The following GTF2I variants were observed in gnomAD, a reference collection of about 807,000 sequenced individuals.
GTF2I encodes general transcription factor II-I.
Under a neutral mutation model 67.6 loss-of-function variants are expected in GTF2I, and 12 were observed. That is an observed-to-expected ratio of 0.18 (90% confidence interval 0.11 to 0.29). The LOEUF is 0.29. GTF2I is among the 10% of genes least tolerant of loss of function. The pLI is 1.00. For synonymous variants in GTF2I, 149 were observed against 197.0 expected (o/e 0.76, Z 2.04); for missense variants, 271 against 580.1 (o/e 0.47, Z 5.47).
chr7:74,703,239 C>T lies in GTF2I; in HGVS notation c.587-1925C>T, dbSNP rs782625884. Among the ~76,000 whole-genome samples the T allele has an allele frequency of 2.0e-4, 30 of 151,890 alleles. 1 individual carries two copies. Among genetic ancestry groups the T allele is most frequent in the Non-Finnish European group, 3.1e-4 (21 of 68,016 alleles). Reference sequence around the variant, plus strand: ...TCACTCTGTTATCCAGGCTGGAGTACAGGATTTGGGAATATTTTCTCCAAT... The same window carrying T: ...TCACTCTGTTATCCAGGCTGGAGTATAGGATTTGGGAATATTTTCTCCAAT... On this transcript the variant is annotated intron_variant, in intron 6 of 34. Coordinates refer to ENST00000573035, the MANE Select transcript of GTF2I (RefSeq NM_032999.4).
In GTF2I at chr7:74,711,034, AT is replaced by A; in HGVS notation, c.691del (p.Ser231ProfsTer7). 6.6e-7 allele frequency: 1 copy of A among 1,516,614 alleles called. No individual in the cohort carries two copies. The highest frequency in any genetic ancestry group is 9.0e-7 in the Non-Finnish European group (1 of 1,109,380). 93.9% of individuals were successfully genotyped at this position (1,516,614 alleles called of 1,614,324 possible). On this transcript the variant is annotated frameshift_variant, in exon 9 of 35. Coordinates refer to ENST00000573035, the MANE Select transcript of GTF2I (RefSeq NM_032999.4). LOFTEE classifies it high-confidence loss of function. ...VKTEPTEDSGISLEMAAVTVK... is the reference protein window; with the variant it reads ...VKTEPTEDSGXSLEMAAVTVK... ...TATCATTGCATTTGCTTTTCTAGGC[AT>A]TTCCCTGGAAATGGCAGCTGTGACA...
At chr7:74,674,996 G>A (rs1333635899) in intron 1 of GTF2I, among the ~76,000 whole-genome samples, 5 of 151,940 alleles carry the variant, frequency 3.3e-5, no homozygotes, top group Admixed American at 6.6e-5. Flanking sequence ...GGGATTACAG[G>A]CACCTGCCAC....
intron 14 of GTF2I, among the ~76,000 whole-genome samples, chr7:74,732,142 CATAT>C (rs4028174): frequency 6.9e-6 from 1 of 145,912 alleles, no homozygotes; most frequent in African/African-American, 2.5e-5. Flanking sequence ...TACACATATA[CATAT>C]ATATATATAT....
At chr7:74,705,284 T>G in intron 7 of GTF2I, 66 bp downstream of exon 7, 1 of 925,214 alleles carries the variant, frequency 1.1e-6, no homozygotes, top group Admixed American at 1.8e-5. Flanking sequence ...TGTTAGATAA[T>G]TGAGATATCA....
chr7:74,691,039 G>A lies in GTF2I; in HGVS notation c.166G>A (p.Val56Ile), dbSNP rs1261533732. The A allele has an allele frequency of 1.2e-6, 2 of 1,613,404 alleles. No homozygotes were observed. The highest frequency in any genetic ancestry group is 1.7e-6 in the Non-Finnish European group (2 of 1,179,502). ...CIAVYETDVF[V>I]VGTERGRAFV... ...TGCAGTGTATGAAACAGACGTGTTT[G>A]TCGTCGGAACTGAAAGAGGACGTGC... Residue 56 changes from valine (V) to isoleucine (I), a missense_variant, in exon 3 of 35, where the codon GTC becomes ATC. This residue lies in a region of GTF2I where 72 missense variants were observed against 87.4 expected (regional missense o/e 0.82). Transcript: ENST00000573035.
chr7:74,669,456 C>G (rs1805267425), intron 1 of GTF2I, among the ~76,000 whole-genome samples: 1 of 151,770 alleles, frequency 6.6e-6, no homozygotes, highest in Admixed American at 6.6e-5. Context: ...GTCTCAAACT[C>G]CTGACCTGAA....
At chr7:74,673,005 C>T (rs935109875) in intron 1 of GTF2I, among the ~76,000 whole-genome samples, 7 of 152,020 alleles carry the variant, frequency 4.6e-5, no homozygotes, top group Admixed American at 2.0e-4. Flanking sequence ...GGACTACAGG[C>T]GCGTGCCACC....
At chr7:74,690,828 G>T in intron 2 of GTF2I, 145 bp from the exon 3 acceptor site, 2 of 730,162 alleles carry the variant, frequency 2.7e-6, no homozygotes, top group Non-Finnish European at 4.7e-6. Flanking sequence ...TAAATTCTGT[G>T]TTGTCTTTTG....
At chr7:74,705,626 C>T (rs752235298) in intron 7 of GTF2I, among the ~76,000 whole-genome samples, 1 of 150,700 alleles carries the variant, frequency 6.6e-6, no homozygotes, top group Admixed American at 6.6e-5. Flanking sequence ...GGCGCGATCT[C>T]GGCTCACTGC....
chr7:74,712,484 G>T (rs989364623), intron 9 of GTF2I, among the ~76,000 whole-genome samples: 1 of 121,794 alleles, frequency 8.2e-6, no homozygotes, highest in African/African-American at 3.0e-5. Context: ...ATATTCTCCC[G>T]GGAGTGTGTG....
rs1015616516 is a variant in GTF2I, at chr7:74,689,161, T to C, written c.33T>C (p.Val11=). ...AAGTTGCAATGTCCACCCTCCCCGT[T>C]GAAGATGAGGAGTCCTCGGAGAGCA... MAQVAMSTLP[V]EDEESSESRM... is the part of the protein sequence containing the mutation. The change falls in exon 2 of 35, where the codon GTT becomes GTC. Residue 11 remains valine, a synonymous_variant. Coordinates refer to ENST00000573035, the MANE Select transcript of GTF2I (RefSeq NM_032999.4). 18 of 1,612,736 alleles carry C rather than the reference T, an allele frequency of 1.1e-5. No individual in the cohort carries two copies. Among genetic ancestry groups the C allele is most frequent in the Non-Finnish European group, 1.5e-5 (18 of 1,178,962 alleles).
chr7:74,747,790 CTCAAAAAAAAAA>C (rs1795515821), intron 23 of GTF2I, among the ~76,000 whole-genome samples: 2 of 22,736 alleles, frequency 8.8e-5, no homozygotes, highest in East Asian at 0.014. Flanking sequence ...GAAACTTTGT[CTCAAAAAAAAAA>C]AAAAAAAAGA....
At chr7:74,658,737 G>T (rs1554384974) in intron 1 of GTF2I, among the ~76,000 whole-genome samples, 1 of 151,452 alleles carries the variant, frequency 6.6e-6, no homozygotes. Flanking sequence ...GGCCGGCCCG[G>T]CGCGCCTGCC....
At chr7:74,703,746 C>G (rs918379187) in intron 6 of GTF2I, among the ~76,000 whole-genome samples, 1 of 152,208 alleles carries the variant, frequency 6.6e-6, no homozygotes, top group Non-Finnish European at 1.5e-5. Context: ...GAAGATATGA[C>G]TTCTGTGTTT....
chr7:74,706,895 G>C, intron 8 of GTF2I, among the ~76,000 whole-genome samples: 1 of 152,102 alleles, frequency 6.6e-6, no homozygotes, highest in East Asian at 1.9e-4. Context: ...TTGTCACCCA[G>C]ACTGAAGTGC....
chr7:74,699,876 A>G (rs1554399411), intron 4 of GTF2I: 2 of 193,344 alleles, frequency 1.0e-5, no homozygotes, highest in African/African-American at 4.7e-5. Context: ...TAGCCAAAAC[A>G]TTCCTGGTAT....
intron 1 of GTF2I, among the ~76,000 whole-genome samples, chr7:74,661,133 T>C (rs782615841): frequency 1.3e-5 from 2 of 152,182 alleles, no homozygotes; most frequent in Admixed American, 6.5e-5. Flanking sequence ...ACTCAACCCC[T>C]AAGCCGAGGT....
intron 1 of GTF2I, among the ~76,000 whole-genome samples, chr7:74,673,408 C>G (rs1326667116): frequency 6.6e-6 from 1 of 151,794 alleles, no homozygotes; most frequent in Non-Finnish European, 1.5e-5. Flanking sequence ...TGGAGTTTCT[C>G]TCTTGTTGCC....
At chr7:74,708,028 A>G (rs1050162182) in intron 8 of GTF2I, among the ~76,000 whole-genome samples, 1 of 152,168 alleles carries the variant, frequency 6.6e-6, no homozygotes, top group East Asian at 1.9e-4. Flanking sequence ...GGCCGGGTGC[A>G]GTGGCTCACA....
Sources: gnomAD v4.1 joint callset for allele counts (sites outside exome capture counted in the v4.1 genomes callset) on GRCh38, gnomAD v4.1.1 for gene constraint, gnomAD v4.1.1 regional missense constraint, MANE v1.5 for transcripts, NCBI Gene and HGNC (gene_info 2026-07-23, HGNC 2026-07-21) for gene names.